EPHA3: variants seen among roughly 807,000 people sequenced by gnomAD.
EPHA3 encodes the protein ephrin type-A receptor 3.
A neutral mutation model predicts 107.1 loss-of-function variants in EPHA3; 42 were observed. The ratio of observed to expected loss-of-function variants is 0.39; its 90% CI spans 0.31 to 0.51. The LOEUF is 0.51. Among genes scored for constraint, EPHA3 ranks in the 20% least tolerant of loss-of-function variants. The pLI is 0.78. For synonymous variants in EPHA3, 461 were observed against 424.8 expected (o/e 1.09, Z -1.05); for missense variants, 1,183 against 1,211.2 (o/e 0.98, Z 0.35).
intron 7 of EPHA3, among the ~76,000 whole-genome samples, chr3:89,405,144 TTA>T (rs1246329548): frequency 6.6e-6 from 1 of 151,930 alleles, no homozygotes; most frequent in Admixed American, 6.6e-5. Context: ...GGTCTGTCAT[TTA>T]TAAAGGCAAG....
rs1206791496 is a variant in EPHA3 at position 89,211,742 on chromosome 3, CCTTCTTCTTCTTCTT to C, written c.814+1285_814+1299del. Among the ~76,000 whole-genome samples, 154 of 19,518 alleles carry C rather than the reference CCTTCTTCTTCTTCTT, an allele frequency of 7.9e-3. 1 individual carries two copies. The highest frequency in any genetic ancestry group is 0.012 in the East Asian group (16 of 1,326). 12.8% of individuals were successfully genotyped at this position (19,518 alleles called of 152,430 possible). On this transcript the variant is annotated intron_variant, in intron 3 of 16. Transcript: ENST00000336596. The stretch of plus-strand genomic sequence containing the variant: ...TTCTTCTTTTTCTTCTTCTTCTTCT[CCTTCTTCTTCTTCTT>C]CTTCTTCTTCTTCTTCTTCTTCTTC...
At chr3:89,301,943 T>C (rs1180998240) in intron 3 of EPHA3, among the ~76,000 whole-genome samples, 1 of 152,128 alleles carries the variant, frequency 6.6e-6, no homozygotes, top group Non-Finnish European at 1.5e-5. Context: ...CTTTTAAACT[T>C]TGAGTGTACT....
intron 3 of EPHA3, among the ~76,000 whole-genome samples, chr3:89,279,683 A>G: frequency 6.6e-6 from 1 of 152,036 alleles, no homozygotes; most frequent in East Asian, 1.9e-4. Flanking sequence ...TGCAACACTT[A>G]TTTGGTGCAA....
intron 3 of EPHA3, 131 bp from the exon 4 acceptor site, chr3:89,340,785 C>T: frequency 1.1e-6 from 1 of 925,990 alleles, no homozygotes; most frequent in Non-Finnish European, 1.5e-6. Context: ...TCATTTGCTT[C>T]TGTAAATTCT....
intron 3 of EPHA3, among the ~76,000 whole-genome samples, chr3:89,318,327 T>A (rs1706958730): frequency 6.6e-6 from 1 of 151,894 alleles, no homozygotes. Context: ...ATTTGTACTT[T>A]ATTAACAGCT....
At chr3:89,284,207 A>C (rs1706021567) in intron 3 of EPHA3, among the ~76,000 whole-genome samples, 1 of 152,140 alleles carries the variant, frequency 6.6e-6, no homozygotes, top group Non-Finnish European at 1.5e-5. Flanking sequence ...ATACTCATTT[A>C]CATTAATTAA....
At chr3:89,358,756 C>T (rs935203990) in intron 5 of EPHA3, among the ~76,000 whole-genome samples, 1 of 151,108 alleles carries the variant, frequency 6.6e-6, no homozygotes, top group Non-Finnish European at 1.5e-5. Context: ...GAAAAACCTA[C>T]TGATTACACA....
intron 1 of EPHA3, among the ~76,000 whole-genome samples, chr3:89,117,643 A>T (rs1175546447): frequency 6.6e-6 from 1 of 152,066 alleles, no homozygotes; most frequent in Non-Finnish European, 1.5e-5. Context: ...TACAAAACTG[A>T]GCTATTCCCA....
At chr3:89,361,170 A>T (rs1708083179) in intron 5 of EPHA3, among the ~76,000 whole-genome samples, 3 of 151,102 alleles carry the variant, frequency 2.0e-5, no homozygotes, top group Admixed American at 6.6e-5. Context: ...TGGAAAAAAG[A>T]TGCCATTAGT....
chr3:89,303,475 AG>A (rs1359456606), intron 3 of EPHA3, among the ~76,000 whole-genome samples: 1 of 150,950 alleles, frequency 6.6e-6, no homozygotes, highest in African/African-American at 2.4e-5. Flanking sequence ...AAGAAAATAA[AG>A]GAGGAAGGAG....
At chr3:89,317,639 A>G (rs1469487614) in intron 3 of EPHA3, among the ~76,000 whole-genome samples, 1 of 151,848 alleles carries the variant, frequency 6.6e-6, no homozygotes, top group Non-Finnish European at 1.5e-5. Flanking sequence ...ATAACATCAA[A>G]GAAATGTTAA....
chr3:89,478,488 T>A (rs1259960975), intron 16 of EPHA3, among the ~76,000 whole-genome samples: 1 of 152,180 alleles, frequency 6.6e-6, no homozygotes, highest in African/African-American at 2.4e-5. Context: ...GGGCTGGAGA[T>A]GCTTTCATTT....
chr3:89,176,894 C>T (rs1407592102), intron 2 of EPHA3, among the ~76,000 whole-genome samples: 3 of 152,014 alleles, frequency 2.0e-5, no homozygotes, highest in Non-Finnish European at 2.9e-5. Context: ...AAAATAAATA[C>T]ATGCAGATAT....
At chr3:89,216,652 A>T (rs1427384013) in intron 3 of EPHA3, among the ~76,000 whole-genome samples, 5 of 151,996 alleles carry the variant, frequency 3.3e-5, no homozygotes, top group African/African-American at 9.7e-5. Context: ...TTGTTAAACA[A>T]CTTCTGTTAA....
chr3:89,224,586 T>C (rs1704456108), intron 3 of EPHA3, among the ~76,000 whole-genome samples: 1 of 152,052 alleles, frequency 6.6e-6, no homozygotes, highest in African/African-American at 2.4e-5. Context: ...CGGTGGCTCA[T>C]ACCTGTAATC....
intron 3 of EPHA3, among the ~76,000 whole-genome samples, chr3:89,337,161 A>T (rs1707412428): frequency 6.6e-6 from 1 of 152,248 alleles, no homozygotes; most frequent in African/African-American, 2.4e-5. Context: ...CACTTGGAAT[A>T]GATGACAAAG....
At chr3:89,319,547 G>A (rs539535982) in intron 3 of EPHA3, among the ~76,000 whole-genome samples, 44 of 151,982 alleles carry the variant, frequency 2.9e-4, no homozygotes, top group South Asian at 6.2e-4. Context: ...GGAGAGCTGC[G>A]TAGTCACCAG....
At chr3:89,334,330 C>A (rs564462441) in intron 3 of EPHA3, among the ~76,000 whole-genome samples, 1 of 152,150 alleles carries the variant, frequency 6.6e-6, no homozygotes. Flanking sequence ...GAAAGAATTT[C>A]ATTTCCTTGT....
At chr3:89,176,354 G>T (rs977994420) in intron 2 of EPHA3, among the ~76,000 whole-genome samples, 12 of 151,612 alleles carry the variant, frequency 7.9e-5, no homozygotes, top group African/African-American at 2.9e-4. Flanking sequence ...GTGCGGTGGT[G>T]CATGCCTGTA....
Sources: allele counts gnomAD v4.1 joint callset (sites outside exome capture counted in the v4.1 genomes callset), GRCh38; gene constraint gnomAD v4.1.1; transcripts MANE v1.5; gene names NCBI Gene and HGNC (gene_info 2026-07-23, HGNC 2026-07-21).